The following MICU1 variants were observed in gnomAD, a reference collection of about 807,000 sequenced individuals.
MICU1 encodes the protein mitochondrial calcium uptake 1.
In MICU1, 45 loss-of-function variants were observed where a neutral mutation model predicts 56.8. The ratio of observed to expected loss-of-function variants is 0.79; its 90% CI spans 0.62 to 1.02. The LOEUF is 1.02. Among genes scored for constraint, MICU1 ranks in the 50% least tolerant of loss-of-function variants. MICU1 has a pLI of 0.00. For synonymous variants in MICU1, 186 were observed against 195.1 expected, an observed-to-expected ratio of 0.95 and a Z score of 0.39; for missense variants, 504 against 587.1, an observed-to-expected ratio of 0.86 and a Z score of 1.46.
intron 8 of MICU1, among the ~76,000 whole-genome samples, chr10:72,468,857 C>T (rs915493433): frequency 6.6e-6 from 1 of 152,094 alleles, no homozygotes; most frequent in Admixed American, 6.6e-5. Flanking sequence ...CTCTAAAATT[C>T]AGACAATTTT....
At chr10:72,483,331 T>C in intron 6 of MICU1, 1 of 162,212 alleles carries the variant, frequency 6.2e-6, no homozygotes, top group Non-Finnish European at 1.3e-5. Context: ...GAGGGCATCT[T>C]GCTTGGCTGG....
At position 72,622,572 on chromosome 10, in the gene MICU1, T is replaced by C. The variant is rs553297676; in HGVS notation, c.-2+3438A>G. On this transcript the variant is annotated intron_variant, in intron 1 of 11. Coordinates refer to ENST00000361114, the MANE Select transcript of MICU1 (RefSeq NM_001195518.2). ...GAAATTCTCTTTCTTCTTGGGTTTC[T>C]GAGGTTGAAGGAAGTAAGCCTAGTG... Among the ~76,000 whole-genome samples, 63 of 152,334 alleles carry C rather than the reference T, an allele frequency of 4.1e-4. 1 individual carries two copies. In the South Asian group the frequency reaches 0.011, roughly 28 times the overall value.
chr10:72,575,936 G>A lies in MICU1; in HGVS notation c.-1-9142C>T, dbSNP rs572367316. 9.9e-5 allele frequency among the ~76,000 whole-genome samples: 15 copies of A among 152,240 alleles called. No homozygotes were observed. The East Asian group carries it at 1.9e-3, about 20-fold the overall frequency. ...TTCAATCAAAAGCTAGAAGTGGGCCGGGCGCGGTGGCTCACGCCTGTAATC... is the reference window on the plus strand; with the variant it reads ...TTCAATCAAAAGCTAGAAGTGGGCCAGGCGCGGTGGCTCACGCCTGTAATC... On this transcript the variant is annotated intron_variant, in intron 1 of 11. Coordinates refer to ENST00000361114, the MANE Select transcript of MICU1 (RefSeq NM_001195518.2).
intron 8 of MICU1, among the ~76,000 whole-genome samples, chr10:72,452,751 A>C (rs1865337958): frequency 6.6e-6 from 1 of 152,038 alleles, no homozygotes; most frequent in African/African-American, 2.4e-5. Context: ...CCCCATCGCT[A>C]GGCAATGCAT....
chr10:72,451,157 T>A (rs1865287254), intron 8 of MICU1, among the ~76,000 whole-genome samples: 1 of 151,428 alleles, frequency 6.6e-6, no homozygotes, highest in African/African-American at 2.4e-5. Context: ...CCCAAGTAGC[T>A]GGGATTATGG....
chr10:72,379,507 C>A (rs1168470703), intron 10 of MICU1: 1 of 362,632 alleles, frequency 2.8e-6, no homozygotes, highest in Admixed American at 3.5e-5. Context: ...TTCTTCCATT[C>A]TCTCAGGGCA....
At chr10:72,599,737 A>T (rs917708409) in intron 1 of MICU1, among the ~76,000 whole-genome samples, 1 of 151,610 alleles carries the variant, frequency 6.6e-6, no homozygotes, top group Non-Finnish European at 1.5e-5. Context: ...CCTCTTTCTT[A>T]CTTACATTGG....
intron 1 of MICU1, among the ~76,000 whole-genome samples, chr10:72,607,711 G>A (rs1009288209): frequency 9.2e-5 from 14 of 151,844 alleles, no homozygotes; most frequent in Non-Finnish European, 1.9e-4. Context: ...AGCTGCTGTA[G>A]CAAATGACCA....
At chr10:72,397,111 G>C (rs1863293333) in intron 10 of MICU1, among the ~76,000 whole-genome samples, 1 of 152,170 alleles carries the variant, frequency 6.6e-6, no homozygotes, top group South Asian at 2.1e-4. Context: ...AGCCAGAAGA[G>C]AGTGGGAGCC....
chr10:72,447,690 AAAAATC>A (rs1488140413), intron 8 of MICU1, among the ~76,000 whole-genome samples: 1 of 152,196 alleles, frequency 6.6e-6, no homozygotes, highest in Non-Finnish European at 1.5e-5. Flanking sequence ...AAAGATATGA[AAAAATC>A]AATTGTGCCT....
chr10:72,483,909 C>T (rs186981375), intron 6 of MICU1: 1 of 152,318 alleles, frequency 6.6e-6, no homozygotes, highest in East Asian at 1.9e-4. Context: ...TTACAAAAGA[C>T]ACTGTGTTAT....
At chr10:72,408,805 G>A (rs988228263) in intron 9 of MICU1, among the ~76,000 whole-genome samples, 3 of 152,230 alleles carry the variant, frequency 2.0e-5, no homozygotes, top group Admixed American at 6.5e-5. Flanking sequence ...ACCAAAGTCA[G>A]TGATATACAG....
chr10:72,485,238 G>A (rs895330198), intron 6 of MICU1, among the ~76,000 whole-genome samples: 28 of 18,740 alleles, frequency 1.5e-3, no homozygotes, highest in East Asian at 6.8e-3. Flanking sequence ...TAATCGTTTT[G>A]TTTTGTTTTG....
chr10:72,398,198 A>C (rs1024024494), intron 10 of MICU1, among the ~76,000 whole-genome samples: 3 of 152,174 alleles, frequency 2.0e-5, no homozygotes, highest in Non-Finnish European at 4.4e-5. Context: ...CTACTGGGTA[A>C]ATAACAAAAT....
chr10:72,602,985 G>A (rs957056106), intron 1 of MICU1, among the ~76,000 whole-genome samples: 5 of 130,996 alleles, frequency 3.8e-5, no homozygotes, highest in African/African-American at 1.6e-4. Context: ...GCGTGGTGGC[G>A]GGTGCCTGTA....
Position 72,575,942 on chromosome 10 carries a change from G to A in MICU1, c.-1-9148C>T, listed in dbSNP as rs564315873. 9.2e-5 allele frequency among the ~76,000 whole-genome samples: 14 copies of A among 152,212 alleles called. 1 individual carries two copies. In the South Asian group the frequency reaches 1.7e-3, roughly 18 times the overall value. On this transcript the variant is annotated intron_variant, in intron 1 of 11. Transcript: ENST00000361114. ...CAAAAGCTAGAAGTGGGCCGGGCGC[G>A]GTGGCTCACGCCTGTAATCCCAGCA... is the stretch of plus-strand genomic sequence containing the variant.
intron 8 of MICU1, among the ~76,000 whole-genome samples, chr10:72,439,837 C>T (rs1864859421): frequency 6.6e-6 from 1 of 152,164 alleles, no homozygotes; most frequent in Non-Finnish European, 1.5e-5. Flanking sequence ...ATCCAACTTA[C>T]AAGGGATTGT....
intron 1 of MICU1, among the ~76,000 whole-genome samples, chr10:72,600,292 CAAAAA>C (rs57782974): frequency 8.2e-5 from 10 of 122,370 alleles, no homozygotes; most frequent in Admixed American, 1.8e-4. Flanking sequence ...AACTCCATCT[CAAAAA>C]AAAAAAAAAA....
chr10:72,444,219 T>C (rs998017637), intron 8 of MICU1, among the ~76,000 whole-genome samples: 3 of 150,330 alleles, frequency 2.0e-5, no homozygotes, highest in African/African-American at 7.4e-5. Flanking sequence ...CTGGGGACTG[T>C]TGTGGGGTGG....
Sources: allele counts gnomAD v4.1 joint callset (sites outside exome capture counted in the v4.1 genomes callset), GRCh38; gene constraint gnomAD v4.1.1; transcripts MANE v1.5; gene names NCBI Gene and HGNC (gene_info 2026-07-23, HGNC 2026-07-21).